Variants in AUTS2 observed in about 807,000 individuals in gnomAD.
The protein encoded by AUTS2 is activator of transcription and developmental regulator AUTS2.
Under a neutral mutation model 112.4 loss-of-function variants are expected in AUTS2, and 17 were observed. The ratio of observed to expected loss-of-function variants is 0.15; its 90% confidence interval spans 0.10 to 0.23. AUTS2 has a LOEUF of 0.23. Among genes scored for constraint, AUTS2 ranks in the 10% least tolerant of loss-of-function variants. The pLI, the probability that AUTS2 is intolerant of heterozygous loss-of-function variation, is 1.00. For missense variants in AUTS2, 1,510 were observed against 1,701.6 expected, an observed-to-expected ratio of 0.89 and a Z score of 1.98; for synonymous variants, 751 against 702.7, an observed-to-expected ratio of 1.07 and a Z score of -1.09.
intron 4 of AUTS2, among the ~76,000 whole-genome samples, chr7:70,257,306 C>T (rs1786928363): frequency 6.6e-6 from 1 of 151,956 alleles, no homozygotes; most frequent in African/African-American, 2.4e-5. Flanking sequence ...ACACCCAGTT[C>T]ATTTTGAATT....
At chr7:70,389,923 G>T (rs1248692750) in intron 4 of AUTS2, among the ~76,000 whole-genome samples, 3 of 152,170 alleles carry the variant, frequency 2.0e-5, no homozygotes, top group Non-Finnish European at 4.4e-5. Context: ...TGCAAATGAA[G>T]AGAATTTTTC....
At chr7:70,473,493 G>A (rs1045105918) in intron 5 of AUTS2, among the ~76,000 whole-genome samples, 1 of 152,142 alleles carries the variant, frequency 6.6e-6, no homozygotes, top group African/African-American at 2.4e-5. Flanking sequence ...AAAACCAAGG[G>A]CATCATGATG....
chr7:70,077,258 G>C (rs903840985), intron 2 of AUTS2, among the ~76,000 whole-genome samples: 2 of 152,128 alleles, frequency 1.3e-5, no homozygotes, highest in Non-Finnish European at 1.5e-5. Context: ...TTATTGGATG[G>C]GATGGTTCTT....
intron 2 of AUTS2, among the ~76,000 whole-genome samples, chr7:70,063,854 G>A (rs1001417379): frequency 1.3e-5 from 2 of 152,160 alleles, no homozygotes; most frequent in East Asian, 1.9e-4. Context: ...TACCCTACTC[G>A]GGGTAATCAC....
At chr7:70,454,616 C>T (rs1004686520) in intron 5 of AUTS2, among the ~76,000 whole-genome samples, 12 of 152,090 alleles carry the variant, frequency 7.9e-5, no homozygotes, top group Admixed American at 2.0e-4. Flanking sequence ...CTACTCGGGC[C>T]GGGCACGGTG....
chr7:70,288,735 C>A (rs1417613791), intron 4 of AUTS2, among the ~76,000 whole-genome samples: 1 of 152,032 alleles, frequency 6.6e-6, no homozygotes, highest in East Asian at 1.9e-4. Flanking sequence ...AATGGAAGAA[C>A]AATGAGATAG....
chr7:69,938,890 T>C (rs1796517355), intron 2 of AUTS2, among the ~76,000 whole-genome samples: 1 of 152,184 alleles, frequency 6.6e-6, no homozygotes, highest in Non-Finnish European at 1.5e-5. Context: ...ATGGTGAAGA[T>C]AAGGAATGGT....
intron 2 of AUTS2, among the ~76,000 whole-genome samples, chr7:69,976,713 G>C (rs1365409445): frequency 1.3e-5 from 2 of 152,160 alleles, no homozygotes. Flanking sequence ...GTGATGTTGA[G>C]AATCTTTGTT....
chr7:70,508,566 G>A (rs949946858), intron 5 of AUTS2, among the ~76,000 whole-genome samples: 1 of 152,068 alleles, frequency 6.6e-6, no homozygotes, highest in African/African-American at 2.4e-5. Context: ...AGTCAGTCCT[G>A]AATCTCCAAC....
rs183133740 is a variant in AUTS2, at chr7:70,653,040, A to T, written c.691-45529A>T. On this transcript the variant is annotated intron_variant, in intron 5 of 18. Transcript: ENST00000342771. ...GAGGTCAAGAGAGGAGGATCACTTG[A>T]GCCCAGGAATTCAAGACCAGCCTGG... Among the ~76,000 whole-genome samples, 1,213 of 152,154 alleles carry T rather than the reference A, an allele frequency of 8.0e-3. 12 individuals are homozygous for T. Among genetic ancestry groups the T allele is most frequent in the Non-Finnish European group, 0.012 (803 of 68,006 alleles).
chr7:70,502,392 C>G (rs778246099), intron 5 of AUTS2, among the ~76,000 whole-genome samples: 2 of 152,176 alleles, frequency 1.3e-5, no homozygotes, highest in Non-Finnish European at 2.9e-5. Context: ...CAGTTGTCCC[C>G]ACTTGTGCCA....
chr7:70,280,658 A>G (rs1322640172), intron 4 of AUTS2, among the ~76,000 whole-genome samples: 1 of 152,028 alleles, frequency 6.6e-6, no homozygotes, highest in African/African-American at 2.4e-5. Flanking sequence ...AGAAACTATA[A>G]ACACTTGGAG....
intron 1 of AUTS2, among the ~76,000 whole-genome samples, chr7:69,757,125 A>G (rs1180210762): frequency 1.3e-5 from 2 of 151,982 alleles, no homozygotes; most frequent in South Asian, 2.1e-4. Flanking sequence ...TCACCCATTC[A>G]TGTATTCATT....
At chr7:70,356,066 A>T (rs1791996512) in intron 4 of AUTS2, among the ~76,000 whole-genome samples, 1 of 152,200 alleles carries the variant, frequency 6.6e-6, no homozygotes, top group Non-Finnish European at 1.5e-5. Flanking sequence ...GATGGGAAAG[A>T]CATCAATACT....
At position 70,122,047 on chromosome 7, in the gene AUTS2, A is replaced by T. The variant is rs568975641; in HGVS notation, c.624+3814A>T. On this transcript the variant is annotated intron_variant, in intron 3 of 18. Transcript: ENST00000342771. Reference sequence around the variant, plus strand: ...CATTGTAATATATACTACAATATGGATGAACTTTAAAAATATGCTAAATAA... The same window carrying T: ...CATTGTAATATATACTACAATATGGTTGAACTTTAAAAATATGCTAAATAA... Among the ~76,000 whole-genome samples, 5 of 152,394 alleles carry T rather than the reference A, an allele frequency of 3.3e-5. No homozygotes were observed. The East Asian group carries it at 9.6e-4, about 29-fold the overall frequency.
At chr7:69,729,974 TTTTTGTTGTTGTTGTTTTAA>T (rs1241188911) in intron 1 of AUTS2, among the ~76,000 whole-genome samples, 1 of 150,008 alleles carries the variant, frequency 6.7e-6, no homozygotes, top group East Asian at 1.9e-4. Context: ...GGTATGTTTT[TTTTTGTTGTTGTTGTTTTAA>T]TTTTTTTTTT....
intron 1 of AUTS2, among the ~76,000 whole-genome samples, chr7:69,714,715 T>C (rs1456535115): frequency 1.3e-5 from 2 of 152,200 alleles, no homozygotes; most frequent in Non-Finnish European, 2.9e-5. Flanking sequence ...ATAGAAATTT[T>C]AGAATCAGCT....
chr7:70,596,147 G>A (rs987806826), intron 5 of AUTS2: 2 of 152,848 alleles, frequency 1.3e-5, no homozygotes, highest in African/African-American at 4.8e-5. Flanking sequence ...TGAGGAGCGA[G>A]GCGGGCCGGG....
intron 2 of AUTS2, among the ~76,000 whole-genome samples, chr7:70,077,295 G>A (rs555331060): frequency 5.3e-5 from 8 of 152,274 alleles, no homozygotes; most frequent in South Asian, 2.1e-4. Flanking sequence ...CTGAGAGTGC[G>A]TAAAAGGTAG....
Sources: allele counts gnomAD v4.1 joint callset (sites outside exome capture counted in the v4.1 genomes callset), GRCh38; gene constraint gnomAD v4.1.1; transcripts MANE v1.5; gene names NCBI Gene and HGNC (gene_info 2026-07-23, HGNC 2026-07-21).